The following OTUD7A variants were observed in gnomAD, a reference collection of about 807,000 sequenced individuals.
OTUD7A encodes OTU deubiquitinase 7A, also known as OTU domain-containing protein 7A.
OTUD7A carries 12 observed loss-of-function variants against 65.7 expected under a neutral mutation model. That is an observed-to-expected ratio of 0.18 (90% confidence interval 0.12 to 0.30). The LOEUF is 0.30. OTUD7A is among the 10% of genes least tolerant of loss of function. OTUD7A has a pLI of 1.00. For missense variants in OTUD7A, 1,148 were observed against 1,304.8 expected (o/e 0.88, Z 1.85); for synonymous variants, 641 against 586.3 (o/e 1.09, Z -1.35).
intron 1 of OTUD7A, among the ~76,000 whole-genome samples, chr15:31,799,447 G>A (rs540400288): frequency 4.7e-4 from 71 of 152,272 alleles, no homozygotes; most frequent in African/African-American, 1.7e-3. Context: ...TGTGGAGGTG[G>A]GGCTTTTGGA....
intron 3 of OTUD7A, among the ~76,000 whole-genome samples, chr15:31,640,284 A>C (rs1311147526): frequency 6.6e-6 from 1 of 152,170 alleles, no homozygotes; most frequent in Non-Finnish European, 1.5e-5. Context: ...GGGATAAAAG[A>C]CTACAAATAG....
At chr15:31,739,226 A>C (rs1894272896) in intron 1 of OTUD7A, among the ~76,000 whole-genome samples, 1 of 151,988 alleles carries the variant, frequency 6.6e-6, no homozygotes, top group Non-Finnish European at 1.5e-5. Context: ...GACCCAACAA[A>C]CACCTGTGGA....
chr15:31,544,333 A>G (rs1360729579), intron 5 of OTUD7A, among the ~76,000 whole-genome samples: 1 of 151,860 alleles, frequency 6.6e-6, no homozygotes, highest in Non-Finnish European at 1.5e-5. Flanking sequence ...AAAGTTACAA[A>G]GGAACAGTGA....
At chr15:31,538,844 G>A (rs1887891910) in intron 5 of OTUD7A, among the ~76,000 whole-genome samples, 2 of 152,048 alleles carry the variant, frequency 1.3e-5, no homozygotes, top group Admixed American at 1.3e-4. Flanking sequence ...CCCTCTATTT[G>A]CCTCCCCCAT....
intron 1 of OTUD7A, among the ~76,000 whole-genome samples, chr15:31,798,497 C>T (rs1896032652): frequency 6.6e-6 from 1 of 152,178 alleles, no homozygotes; most frequent in African/African-American, 2.4e-5. Flanking sequence ...AACAAGGCAG[C>T]TCTGGCACTG....
At position 31,484,206 on chromosome 15, in the gene OTUD7A, G is replaced by A. The variant is rs1163618488; in HGVS notation, c.1890C>T (p.Asn630=). ...CCCCCTGCATGGCGGCGCGCAGGAT[G>A]TTGAGGCTCAGCTTCACATCCGTGC... ...KYSTDVKLSL[N]ILRAAMQGER... Residue 630 remains asparagine (N), a synonymous_variant, in exon 13 of 13, where the codon AAC becomes AAT. Transcript: ENST00000307050. The surrounding 1 kb of genome is among the most constrained non-coding windows in gnomAD (Gnocchi z 4.5). 3 of 1,608,932 alleles carry A rather than the reference G, an allele frequency of 1.9e-6. No individual in the cohort carries two copies. The highest frequency in any genetic ancestry group is 1.3e-5 in the African/African-American group (1 of 75,012).
chr15:31,809,244 C>T (rs1040161707), intron 1 of OTUD7A, among the ~76,000 whole-genome samples: 1 of 152,168 alleles, frequency 6.6e-6, no homozygotes, highest in African/African-American at 2.4e-5. Context: ...ATCCTTTCAC[C>T]ACTGGCGATT....
At chr15:31,490,545 T>G (rs555494057) in intron 10 of OTUD7A, among the ~76,000 whole-genome samples, 1 of 152,252 alleles carries the variant, frequency 6.6e-6, no homozygotes, top group African/African-American at 2.4e-5. Context: ...TTATCCAATA[T>G]CTAAGGAAAG....
At chr15:31,637,905 TC>T (rs1438599805) in intron 3 of OTUD7A, among the ~76,000 whole-genome samples, 11 of 152,212 alleles carry the variant, frequency 7.2e-5, no homozygotes. Context: ...GAAAGTGGTT[TC>T]TTGAGATGGA....
At chr15:31,792,138 A>C (rs1412891331) in intron 1 of OTUD7A, among the ~76,000 whole-genome samples, 1 of 152,190 alleles carries the variant, frequency 6.6e-6, no homozygotes, top group Non-Finnish European at 1.5e-5. Context: ...AACTATGTGC[A>C]ATCAGCAGGC....
intron 1 of OTUD7A, among the ~76,000 whole-genome samples, chr15:31,776,433 C>T (rs1209435778): frequency 1.3e-5 from 2 of 152,140 alleles, no homozygotes; most frequent in African/African-American, 4.8e-5. Context: ...ACAGGGGCAG[C>T]CTGCAGCCTG....
At chr15:31,805,950 A>C (rs1896258818) in intron 1 of OTUD7A, among the ~76,000 whole-genome samples, 1 of 152,252 alleles carries the variant, frequency 6.6e-6, no homozygotes, top group Non-Finnish European at 1.5e-5. Context: ...CCACAAGGCC[A>C]TATTATTTAA....
At chr15:31,560,730 AT>A (rs1888661327) in intron 4 of OTUD7A, among the ~76,000 whole-genome samples, 1 of 147,004 alleles carries the variant, frequency 6.8e-6, no homozygotes, top group African/African-American at 2.7e-5. Context: ...CCTGTGGCAA[AT>A]TCCTGAGGCT....
intron 1 of OTUD7A, among the ~76,000 whole-genome samples, chr15:31,659,409 C>A (rs1268742825): frequency 1.1e-4 from 17 of 152,202 alleles, no homozygotes; most frequent in Admixed American, 1.1e-3. Flanking sequence ...CAGTGCCTGG[C>A]ACACAGCAGG....
At chr15:31,566,640 G>C (rs1328505895) in intron 4 of OTUD7A, among the ~76,000 whole-genome samples, 3 of 152,142 alleles carry the variant, frequency 2.0e-5, no homozygotes, top group Non-Finnish European at 4.4e-5. Flanking sequence ...TGGAGGGGGG[G>C]TCTGGTGGGA....
At chr15:31,628,998 A>G (rs1305741996) in intron 3 of OTUD7A, among the ~76,000 whole-genome samples, 1 of 152,162 alleles carries the variant, frequency 6.6e-6, no homozygotes, top group African/African-American at 2.4e-5. Context: ...TTGGGCTGAG[A>G]CAATGGGGTT....
At chr15:31,658,862 T>C (rs1430112634) in intron 1 of OTUD7A, among the ~76,000 whole-genome samples, 1 of 145,528 alleles carries the variant, frequency 6.9e-6, no homozygotes, top group Non-Finnish European at 1.5e-5. Context: ...ACCCCGTCTC[T>C]ACTAATTAAA....
chr15:31,736,591 A>G, intron 1 of OTUD7A, among the ~76,000 whole-genome samples: 1 of 152,152 alleles, frequency 6.6e-6, no homozygotes, highest in East Asian at 1.9e-4. Context: ...CCAATGCACT[A>G]TGAGATCAAT....
intron 1 of OTUD7A, among the ~76,000 whole-genome samples, chr15:31,820,833 A>G (rs1186392980): frequency 6.6e-6 from 1 of 152,142 alleles, no homozygotes; most frequent in Non-Finnish European, 1.5e-5. Context: ...CACCCATTTA[A>G]TGTGCACAGT....
Sources: gnomAD v4.1 joint callset for allele counts (sites outside exome capture counted in the v4.1 genomes callset) on GRCh38, gnomAD v4.1.1 for gene constraint, Gnocchi (gnomAD v3.1) non-coding constraint, MANE v1.5 for transcripts, NCBI Gene and HGNC (gene_info 2026-07-23, HGNC 2026-07-21) for gene names.